SMCHD1: variants seen among roughly 807,000 people sequenced by gnomAD.
The protein encoded by SMCHD1 is structural maintenance of chromosomes flexible hinge domain-containing protein 1.
A neutral mutation model predicts 254.7 loss-of-function variants in SMCHD1; 78 were observed. That is an observed-to-expected ratio of 0.31 (90% CI 0.26 to 0.37). The LOEUF is 0.37. Among genes scored for constraint, SMCHD1 ranks in the 10% least tolerant of loss-of-function variants. SMCHD1 has a pLI of 1.00. For missense variants in SMCHD1, 1,840 were observed against 2,408.1 expected, an observed-to-expected ratio of 0.76 and a Z score of 4.94; for synonymous variants, 766 against 794.9, an observed-to-expected ratio of 0.96 and a Z score of 0.61.
intron 45 of SMCHD1, among the ~76,000 whole-genome samples, chr18:2,792,203 G>A (rs952196518): frequency 1.3e-5 from 2 of 152,172 alleles, no homozygotes; most frequent in Admixed American, 1.3e-4. Context: ...AAAACAGATT[G>A]TATGTAAGAC....
chr18:2,762,505 T>C (rs2075804149), intron 36 of SMCHD1, among the ~76,000 whole-genome samples: 1 of 151,056 alleles, frequency 6.6e-6, no homozygotes, highest in Non-Finnish European at 1.5e-5. Context: ...TTTTTTTTTT[T>C]TTTTTTGAGA....
intron 3 of SMCHD1, among the ~76,000 whole-genome samples, chr18:2,670,755 G>T (rs957521170): frequency 1.3e-5 from 2 of 151,824 alleles, no homozygotes; most frequent in Non-Finnish European, 2.9e-5. Context: ...ACAAAAATTG[G>T]CCAGGCGTGG....
intron 1 of SMCHD1, among the ~76,000 whole-genome samples, chr18:2,658,867 T>C (rs1021136552): frequency 4.7e-5 from 7 of 150,460 alleles, no homozygotes; most frequent in Non-Finnish European, 1.0e-4. Context: ...TACATATATA[T>C]ACACACATAC....
chr18:2,678,566 C>G (rs970704367), intron 5 of SMCHD1, among the ~76,000 whole-genome samples: 4 of 152,156 alleles, frequency 2.6e-5, no homozygotes, highest in Admixed American at 2.6e-4. Context: ...ATCCGCCCAC[C>G]TCGGCCTCCC....
Position 2,771,525 on chromosome 18 carries a change from T to C in SMCHD1, c.4967-8T>C, listed in dbSNP as rs754455569. The C allele has an allele frequency of 4.1e-5, 64 of 1,552,724 alleles. No individual in the cohort carries two copies. The highest frequency in any genetic ancestry group is 5.0e-5 in the Non-Finnish European group (58 of 1,162,514). Reference sequence around the variant, plus strand: ...AAATTGATGCAAATTTTTGGTTTTTTATTTTAGGTCAAGTTGAAGAAGCAA... The same window carrying C: ...AAATTGATGCAAATTTTTGGTTTTTCATTTTAGGTCAAGTTGAAGAAGCAA... On this transcript the variant is annotated splice_region_variant and splice_polypyrimidine_tract_variant and intron_variant, in intron 39 of 47. Coordinates refer to ENST00000320876, the MANE Select transcript of SMCHD1 (RefSeq NM_015295.3).
intron 47 of SMCHD1, among the ~76,000 whole-genome samples, chr18:2,797,781 GTGGCGCACGC>G (rs965040218): frequency 6.6e-6 from 1 of 152,156 alleles, no homozygotes; most frequent in African/African-American, 2.4e-5. Flanking sequence ...GCCAGTCATG[GTGGCGCACGC>G]CTGTAATCCC....
At chr18:2,670,448 A>G (rs916127502) in intron 3 of SMCHD1, among the ~76,000 whole-genome samples, 15 of 152,000 alleles carry the variant, frequency 9.9e-5, no homozygotes, top group South Asian at 2.1e-4. Flanking sequence ...TTTTTTCTCT[A>G]TTGCACAAAC....
Position 2,673,366 on chromosome 18 carries a change from A to G in SMCHD1, c.507+3A>G. On this transcript the variant is annotated splice_donor_region_variant and intron_variant, in intron 4 of 47. Transcript: ENST00000320876. ...TTAGAAGAATACAGATCAAATTGGT[A>G]AGGAAATAATACTGTAAAGCAATTT... The G allele has an allele frequency of 6.6e-7, 1 of 1,509,714 alleles. No homozygotes were observed. Among genetic ancestry groups the G allele is most frequent in the South Asian group, 1.3e-5 (1 of 75,778 alleles). The allele number at this position is 1,509,714 out of a possible 1,614,324, so 93.5% of individuals were successfully genotyped here.
At chr18:2,687,862 CTGTT>C (rs1449933209) in intron 5 of SMCHD1, among the ~76,000 whole-genome samples, 3 of 152,090 alleles carry the variant, frequency 2.0e-5, no homozygotes, top group Non-Finnish European at 4.4e-5. Flanking sequence ...CACCTTCATT[CTGTT>C]TATTTCTGAT....
At chr18:2,662,195 AT>A (rs1360764334) in intron 1 of SMCHD1, among the ~76,000 whole-genome samples, 2,244 of 110,368 alleles carry the variant, frequency 0.02, 141 homozygotes, top group African/African-American at 0.083. Flanking sequence ...AAATAAATAA[AT>A]AAATAAAGAA....
chr18:2,687,105 G>A (rs986583510), intron 5 of SMCHD1, among the ~76,000 whole-genome samples: 1 of 151,946 alleles, frequency 6.6e-6, no homozygotes, highest in Non-Finnish European at 1.5e-5. Context: ...ATTAGCTTTG[G>A]TCACTCCCTT....
At chr18:2,663,323 G>C (rs1288272169) in intron 1 of SMCHD1, among the ~76,000 whole-genome samples, 1 of 151,778 alleles carries the variant, frequency 6.6e-6, no homozygotes, top group Non-Finnish European at 1.5e-5. Context: ...CATTGCCCAG[G>C]CTGGTCTTGA....
intron 37 of SMCHD1, among the ~76,000 whole-genome samples, chr18:2,766,464 A>G (rs931645866): frequency 6.6e-6 from 1 of 152,216 alleles, no homozygotes; most frequent in African/African-American, 2.4e-5. Flanking sequence ...CTGATATCTC[A>G]CTGAATCAAT....
chr18:2,799,561 A>G lies in SMCHD1; in HGVS notation c.5994-2967A>G, dbSNP rs533743664. Among the ~76,000 whole-genome samples the G allele has an allele frequency of 9.2e-5, 14 of 152,338 alleles. No homozygotes were observed. In the East Asian group the frequency reaches 2.7e-3, roughly 29 times the overall value. On this transcript the variant is annotated intron_variant, in intron 47 of 47. Coordinates refer to ENST00000320876, the MANE Select transcript of SMCHD1 (RefSeq NM_015295.3). ...ATATTGTTCAGGCAAATATTGTACT[A>G]AGCAAACTTGTGTGCTAGAATTACA... is the stretch of plus-strand genomic sequence containing the variant.
chr18:2,729,999 C>A (rs1162226703), intron 24 of SMCHD1, among the ~76,000 whole-genome samples: 1 of 152,148 alleles, frequency 6.6e-6, no homozygotes, highest in East Asian at 1.9e-4. Context: ...TAGGTGTGCA[C>A]CACTGTGCCC....
chr18:2,702,894 C>A (rs1054211319), intron 12 of SMCHD1, among the ~76,000 whole-genome samples: 1 of 152,110 alleles, frequency 6.6e-6, no homozygotes, highest in African/African-American at 2.4e-5. Flanking sequence ...CTGTCCTCTG[C>A]GAAAGCATGT....
At chr18:2,781,200 T>G (rs1325568973) in intron 44 of SMCHD1, among the ~76,000 whole-genome samples, 4 of 152,198 alleles carry the variant, frequency 2.6e-5, no homozygotes, top group African/African-American at 9.7e-5. Context: ...CATATAAACC[T>G]GCCACCTTCA....
chr18:2,682,299 CT>C (rs1286653798), intron 5 of SMCHD1, among the ~76,000 whole-genome samples: 1 of 149,896 alleles, frequency 6.7e-6, no homozygotes, highest in Non-Finnish European at 1.5e-5. Flanking sequence ...ATAACTTTTT[CT>C]TTTCTTTCTT....
intron 45 of SMCHD1, among the ~76,000 whole-genome samples, chr18:2,792,938 T>A (rs1279020204): frequency 6.6e-6 from 1 of 152,222 alleles, no homozygotes; most frequent in Non-Finnish European, 1.5e-5. Flanking sequence ...ATACCCACCC[T>A]GTCACAGCTT....
Sources: allele counts gnomAD v4.1 joint callset (sites outside exome capture counted in the v4.1 genomes callset), GRCh38; gene constraint gnomAD v4.1.1; transcripts MANE v1.5; gene names NCBI Gene and HGNC (gene_info 2026-07-23, HGNC 2026-07-21).